The following RHPN2 variants were observed in gnomAD, a reference collection of about 807,000 sequenced individuals.
RHPN2 encodes the protein rhophilin-2.
In RHPN2, 40 loss-of-function variants were observed where a neutral mutation model predicts 79.0. The ratio of observed to expected loss-of-function variants is 0.51; its 90% CI spans 0.39 to 0.66. The LOEUF (loss-of-function observed/expected upper bound fraction) is 0.66, where lower values mean the gene tolerates loss of function less well. Among genes scored for constraint, RHPN2 ranks in the 30% least tolerant of loss-of-function variants. RHPN2 has a pLI of 0.00. For missense variants in RHPN2, 686 were observed against 883.5 expected, an observed-to-expected ratio of 0.78 and a Z score of 2.83; for synonymous variants, 285 against 363.5, an observed-to-expected ratio of 0.78 and a Z score of 2.46.
chr19:33,016,355 G>C (rs1971877597), intron 4 of RHPN2, among the ~76,000 whole-genome samples: 1 of 152,096 alleles, frequency 6.6e-6, no homozygotes, highest in South Asian at 2.1e-4. Flanking sequence ...CTAAAGGTGT[G>C]AGCCACTGTG....
intron 7 of RHPN2, among the ~76,000 whole-genome samples, chr19:33,003,843 T>C (rs1369470651): frequency 6.6e-6 from 1 of 152,080 alleles, no homozygotes; most frequent in East Asian, 1.9e-4. Context: ...GAAGTTATTG[T>C]TTAACTGAGT....
chr19:33,058,512 T>A (rs1357391443), intron 1 of RHPN2, among the ~76,000 whole-genome samples: 1 of 152,218 alleles, frequency 6.6e-6, no homozygotes, highest in African/African-American at 2.4e-5. Flanking sequence ...CCAGGCGCAG[T>A]GGCTCATGCC....
Position 32,979,846 on chromosome 19 carries a change from C to G in RHPN2, c.*150G>C. 1 of 1,003,034 alleles carries G rather than the reference C, an allele frequency of 1.0e-6. No individual in the cohort carries two copies. The highest frequency in any genetic ancestry group is 1.5e-6 in the Non-Finnish European group (1 of 679,336). 62.1% of individuals were successfully genotyped at this position (1,003,034 alleles called of 1,614,324 possible). Reference sequence around the variant, plus strand: ...TCCTAGAGGTTTCTTGGTTACTTTCCTTCATAAAAACACATCAAATGTGAG... The same window carrying G: ...TCCTAGAGGTTTCTTGGTTACTTTCGTTCATAAAAACACATCAAATGTGAG... On this transcript the variant is annotated 3_prime_UTR_variant, in exon 15 of 15. Transcript: ENST00000254260.
rs566033116 is a variant in RHPN2, at chr19:33,048,587, G to A, written c.70-4223C>T. On this transcript the variant is annotated intron_variant, in intron 1 of 14. Coordinates refer to ENST00000254260, the MANE Select transcript of RHPN2 (RefSeq NM_033103.5). ...CTAAAAATATAAAAATTAGCTGGGCGTAGTGGCATGCGCCTATAATCCCAG... is the reference window on the plus strand; with the variant it reads ...CTAAAAATATAAAAATTAGCTGGGCATAGTGGCATGCGCCTATAATCCCAG... Among the ~76,000 whole-genome samples, 15 of 151,036 alleles carry A rather than the reference G, an allele frequency of 9.9e-5. No individual in the cohort carries two copies. The South Asian group carries it at 2.1e-3, about 21-fold the overall frequency.
At chr19:33,031,534 G>A (rs986169564) in intron 2 of RHPN2, among the ~76,000 whole-genome samples, 3 of 147,406 alleles carry the variant, frequency 2.0e-5, no homozygotes, top group Non-Finnish European at 3.0e-5. Flanking sequence ...CGTGAGCCAC[G>A]ACGCCCAGCC....
chr19:33,058,757 C>T (rs769372498), intron 1 of RHPN2, among the ~76,000 whole-genome samples: 6 of 151,668 alleles, frequency 4.0e-5, no homozygotes, highest in Non-Finnish European at 7.4e-5. Flanking sequence ...TCCAGCCTGG[C>T]GACAGAGCGA....
In RHPN2 at chr19:33,060,233, A is replaced by C. The variant is rs569345271; in HGVS notation, c.69+4551T>G. 7.6e-4 allele frequency among the ~76,000 whole-genome samples: 116 copies of C among 152,154 alleles called. 2 individuals are homozygous for C. The highest frequency in any genetic ancestry group is 7.9e-4 in the Admixed American group (12 of 15,256). On this transcript the variant is annotated intron_variant, in intron 1 of 14. Coordinates refer to ENST00000254260, the MANE Select transcript of RHPN2 (RefSeq NM_033103.5). ...GTGATCTCGGCTCACTGCAGCCTCC[A>C]TCTCCCAGGCTCAGCGATCCTGCTG...
At chr19:33,030,960 A>G (rs1023867986) in intron 2 of RHPN2, among the ~76,000 whole-genome samples, 4 of 152,158 alleles carry the variant, frequency 2.6e-5, no homozygotes, top group African/African-American at 9.7e-5. Flanking sequence ...CTGTCAATCA[A>G]AGGTTCCCAC....
At chr19:33,038,255 A>G (rs1250087732) in intron 2 of RHPN2, among the ~76,000 whole-genome samples, 2 of 148,558 alleles carry the variant, frequency 1.3e-5, no homozygotes, top group Non-Finnish European at 3.0e-5. Flanking sequence ...AGGCTGAGGC[A>G]GGAGAATCGC....
Position 33,027,055 on chromosome 19 carries a change from G to A in RHPN2, c.186-423C>T, listed in dbSNP as rs1218620787. On this transcript the variant is annotated intron_variant, in intron 2 of 14. Transcript: ENST00000254260. ...GTGGATCAGCTGAGGTCAGGAGTTCGAGACCAGCCTGGCCAACATATAGTG... is the reference window on the plus strand; with the variant it reads ...GTGGATCAGCTGAGGTCAGGAGTTCAAGACCAGCCTGGCCAACATATAGTG... 16 of 301,856 alleles carry A rather than the reference G, an allele frequency of 5.3e-5. No homozygotes were observed. The East Asian group carries it at 8.0e-4, about 15-fold the overall frequency. The allele number at this position is 301,856 out of a possible 1,614,324, so 18.7% of individuals were successfully genotyped here.
chr19:32,989,203 A>G (rs1204954973), intron 14 of RHPN2, among the ~76,000 whole-genome samples: 6 of 152,104 alleles, frequency 3.9e-5, no homozygotes, highest in Admixed American at 6.6e-5. Flanking sequence ...TCCACCTCCC[A>G]GGTTCAAACT....
chr19:33,019,558 A>G (rs938813748), intron 4 of RHPN2, among the ~76,000 whole-genome samples: 1 of 151,656 alleles, frequency 6.6e-6, no homozygotes, highest in African/African-American at 2.4e-5. Context: ...TAGCCTGGGC[A>G]ACGAGAGCTA....
intron 7 of RHPN2, among the ~76,000 whole-genome samples, chr19:33,006,707 G>A (rs1400442805): frequency 6.6e-6 from 1 of 152,196 alleles, no homozygotes; most frequent in Non-Finnish European, 1.5e-5. Flanking sequence ...GCAGGCACAG[G>A]TGAGCCAAGC....
chr19:33,011,607 C>T (rs1971835819), intron 6 of RHPN2, 72 bp downstream of exon 6: 2 of 1,607,730 alleles, frequency 1.2e-6, no homozygotes, highest in Non-Finnish European at 1.7e-6. Flanking sequence ...AGAGGGGCGT[C>T]TGTGATGCTG....
chr19:33,007,522 AAATAAAG>A, intron 7 of RHPN2, among the ~76,000 whole-genome samples: 1 of 130,158 alleles, frequency 7.7e-6, no homozygotes, highest in Non-Finnish European at 1.7e-5. Flanking sequence ...ATAAATAAAT[AAATAAAG>A]GCACGGAGAG....
intron 2 of RHPN2, among the ~76,000 whole-genome samples, chr19:33,038,962 A>T (rs891398866): frequency 6.6e-6 from 1 of 152,012 alleles, no homozygotes; most frequent in African/African-American, 2.4e-5. Context: ...CTGGTCTAAA[A>T]AGTTTTTTTT....
chr19:33,026,687 G>A, intron 2 of RHPN2, 55 bp from the exon 3 acceptor site: 2 of 1,582,522 alleles, frequency 1.3e-6, no homozygotes, highest in South Asian at 2.2e-5. Flanking sequence ...CTGGCTTCTA[G>A]GTGAGCAGAC....
intron 4 of RHPN2, among the ~76,000 whole-genome samples, chr19:33,014,145 G>A (rs533520065): frequency 2.5e-4 from 37 of 147,940 alleles, no homozygotes; most frequent in Non-Finnish European, 4.9e-4. Context: ...CACATAGATC[G>A]CTCAATTATG....
intron 4 of RHPN2, among the ~76,000 whole-genome samples, 161 bp from the exon 5 acceptor site, chr19:33,012,885 GT>G (rs1002997727): frequency 3.3e-5 from 5 of 151,920 alleles, no homozygotes; most frequent in Admixed American, 1.3e-4. Context: ...AATTTATGTA[GT>G]TTTTTTTAAT....
Sources: gnomAD v4.1 joint callset for allele counts (sites outside exome capture counted in the v4.1 genomes callset) on GRCh38, gnomAD v4.1.1 for gene constraint, MANE v1.5 for transcripts, NCBI Gene and HGNC (gene_info 2026-07-23, HGNC 2026-07-21) for gene names.